Variants in STX7 observed in about 807,000 individuals in gnomAD.
STX7 encodes syntaxin 7, also known as syntaxin-7.
Under a neutral mutation model 39.6 loss-of-function variants are expected in STX7, and 34 were observed. The observed-to-expected ratio is 0.86, with a 90% confidence interval of 0.65 to 1.14. The LOEUF is 1.14. Ranked by LOEUF, STX7 falls within the 50% of genes most tolerant of loss-of-function variation. The pLI is 0.00. For synonymous variants in STX7, 119 were observed against 99.1 expected, an observed-to-expected ratio of 1.20 and a Z score of -1.19; for missense variants, 284 against 310.4, an observed-to-expected ratio of 0.92 and a Z score of 0.64.
intron 2 of STX7, among the ~76,000 whole-genome samples, chr6:132,493,497 G>A (rs563047753): frequency 6.6e-6 from 1 of 152,208 alleles, no homozygotes; most frequent in South Asian, 2.1e-4. Flanking sequence ...AGATCTGATG[G>A]ATTTATAAAG....
In STX7 at chr6:132,453,701, G is replaced by C. The variant is rs949456367; in HGVS notation, c.*7057C>G. On this transcript the variant is annotated 3_prime_UTR_variant, in exon 10 of 10. Transcript: ENST00000367941. ...GCTCAACATCATTGCCATTAGCGAA[G>C]GGAAAATGGTAAATCAAAACTGCAA... The C allele has an allele frequency of 6.6e-6, 1 of 151,876 alleles. No individual in the cohort carries two copies. Among genetic ancestry groups the C allele is most frequent in the African/African-American group, 2.4e-5 (1 of 41,368 alleles). The allele number at this position is 151,876 out of a possible 1,614,324, so 9.4% of individuals were successfully genotyped here.
chr6:132,478,174 C>A (rs1774920730), intron 2 of STX7, among the ~76,000 whole-genome samples: 1 of 151,386 alleles, frequency 6.6e-6, no homozygotes, highest in African/African-American at 2.4e-5. Flanking sequence ...ACATGTATCC[C>A]AGAACTTAAA....
At chr6:132,470,160 A>T (rs1334714674) in intron 6 of STX7, 113 bp from the exon 7 acceptor site, 2 of 718,228 alleles carry the variant, frequency 2.8e-6, no homozygotes, top group African/African-American at 1.9e-5. Context: ...CTCCAAAGTC[A>T]CAGAACTACT....
chr6:132,467,804 G>A (rs1279344790), intron 8 of STX7, among the ~76,000 whole-genome samples: 1 of 152,134 alleles, frequency 6.6e-6, no homozygotes, highest in African/African-American at 2.4e-5. Flanking sequence ...AAGATGGTCA[G>A]GATCCTGATG....
intron 2 of STX7, among the ~76,000 whole-genome samples, chr6:132,487,757 TTATAA>T (rs952307841): frequency 1.3e-5 from 2 of 152,202 alleles, no homozygotes. Flanking sequence ...TATGTAGAAT[TTATAA>T]TATATCATCT....
At chr6:132,497,340 T>G (rs879646710) in intron 2 of STX7, among the ~76,000 whole-genome samples, 9 of 152,186 alleles carry the variant, frequency 5.9e-5, no homozygotes, top group African/African-American at 2.2e-4. Flanking sequence ...ATTGATTCTA[T>G]TAGATTAAAA....
chr6:132,500,317 T>C (rs907248169), intron 2 of STX7, among the ~76,000 whole-genome samples: 2 of 152,310 alleles, frequency 1.3e-5, no homozygotes, highest in East Asian at 3.9e-4. Context: ...CAGACCCCTC[T>C]GGTTTCATCT....
intron 1 of STX7, among the ~76,000 whole-genome samples, chr6:132,504,339 C>T (rs1332569818): frequency 6.6e-6 from 1 of 152,146 alleles, no homozygotes; most frequent in Admixed American, 6.5e-5. Context: ...ATGACTCTCC[C>T]CTTTCAGCAG....
intron 1 of STX7, 89 bp downstream of exon 1, chr6:132,512,918 C>A (rs955289510): frequency 6.6e-6 from 1 of 152,346 alleles, no homozygotes; most frequent in Non-Finnish European, 1.5e-5. Flanking sequence ...CACCTGACCA[C>A]GCGCACAAAC....
At chr6:132,506,314 C>T (rs1251561091) in intron 1 of STX7, among the ~76,000 whole-genome samples, 1 of 152,026 alleles carries the variant, frequency 6.6e-6, no homozygotes, top group African/African-American at 2.4e-5. Flanking sequence ...GAACAGACAA[C>T]CTGCAGAATG....
chr6:132,504,174 T>C (rs1019122202), intron 1 of STX7, among the ~76,000 whole-genome samples: 3 of 152,196 alleles, frequency 2.0e-5, no homozygotes, highest in African/African-American at 7.2e-5. Flanking sequence ...TAATATCTAA[T>C]TTAACACACA....
chr6:132,454,181 G>T lies in STX7; in HGVS notation c.*6577C>A, dbSNP rs1482258790. On this transcript the variant is annotated 3_prime_UTR_variant, in exon 10 of 10. Coordinates refer to ENST00000367941, the MANE Select transcript of STX7 (RefSeq NM_003569.3). ...AATGAAAAAAAGCCAATCCCAAAAG[G>T]TTACATATTATTATGATTCCAGTTA... 6.6e-6 allele frequency: 1 copy of T among 150,904 alleles called. No individual in the cohort carries two copies. The highest frequency in any genetic ancestry group is 1.5e-5 in the Non-Finnish European group (1 of 67,768). 9.3% of individuals were successfully genotyped at this position (150,904 alleles called of 1,614,324 possible). A position where few individuals can be genotyped will look rare whatever the true frequency, so the allele number is the denominator to read the frequency against.
chr6:132,503,681 G>A, intron 1 of STX7, 93 bp from the exon 2 acceptor site: 1 of 521,054 alleles, frequency 1.9e-6, no homozygotes. Flanking sequence ...GGACAAACTT[G>A]ATTAATCTAA....
rs575039551 is a variant in STX7, at chr6:132,482,088, G to A, written c.86-6426C>T. ...TGACCCTCAATGAATAGTTTTATGA[G>A]TGAACCATAAAAAGAATACTGGGAA... On this transcript the variant is annotated intron_variant, in intron 2 of 9. Coordinates refer to ENST00000367941, the MANE Select transcript of STX7 (RefSeq NM_003569.3). Among the ~76,000 whole-genome samples the A allele has an allele frequency of 2.8e-4, 42 of 152,182 alleles. 1 individual carries two copies. The highest frequency in any genetic ancestry group is 9.8e-4 in the Admixed American group (15 of 15,274).
Position 132,459,404 on chromosome 6 carries a change from G to A in STX7, c.*1354C>T, listed in dbSNP as rs924467839. ...TCCAGAAAGATGCTGAATGGCCACA[G>A]TGCATGTGGTGATGTCTCCATGCTG... On this transcript the variant is annotated 3_prime_UTR_variant, in exon 10 of 10. Coordinates refer to ENST00000367941, the MANE Select transcript of STX7 (RefSeq NM_003569.3). 3 of 152,244 alleles carry A rather than the reference G, an allele frequency of 2.0e-5. No individual in the cohort carries two copies. The highest frequency in any genetic ancestry group is 4.4e-5 in the Non-Finnish European group (3 of 68,056). The allele number at this position is 152,244 out of a possible 1,614,324, so 9.4% of individuals were successfully genotyped here. A position where few individuals can be genotyped will look rare whatever the true frequency, so the allele number is the denominator to read the frequency against.
rs1055887394 is a variant in STX7, at chr6:132,447,199, T to C, written c.*13559A>G. On this transcript the variant is annotated 3_prime_UTR_variant, in exon 10 of 10. Coordinates refer to ENST00000367941, the MANE Select transcript of STX7 (RefSeq NM_003569.3). ...CCCTAAGATGGAACTTACTGTGTAG[T>C]GGAAAGAGTTAGACTCACTAGACAT... The C allele has an allele frequency of 2.6e-5, 4 of 152,174 alleles. No individual in the cohort carries two copies. Among genetic ancestry groups the C allele is most frequent in the African/African-American group, 9.7e-5 (4 of 41,444 alleles). The allele number at this position is 152,174 out of a possible 1,614,324, so 9.4% of individuals were successfully genotyped here. A position where few individuals can be genotyped will look rare whatever the true frequency, so the allele number is the denominator to read the frequency against.
At chr6:132,508,530 T>C (rs1775763666) in intron 1 of STX7, among the ~76,000 whole-genome samples, 1 of 152,184 alleles carries the variant, frequency 6.6e-6, no homozygotes, top group Non-Finnish European at 1.5e-5. Context: ...TTTGGCGTTG[T>C]TGTTGTTTGA....
chr6:132,510,806 G>A (rs1000492281), intron 1 of STX7, among the ~76,000 whole-genome samples: 2 of 152,202 alleles, frequency 1.3e-5, no homozygotes, highest in Non-Finnish European at 2.9e-5. Flanking sequence ...ACACTCAGAT[G>A]AGAGTCTTCT....
intron 2 of STX7, among the ~76,000 whole-genome samples, chr6:132,488,834 T>C (rs1775205648): frequency 6.6e-6 from 1 of 152,070 alleles, no homozygotes; most frequent in Non-Finnish European, 1.5e-5. Flanking sequence ...AGAAACAAAC[T>C]CTGTTTTAGA....
Sources: gnomAD v4.1 joint callset for allele counts (sites outside exome capture counted in the v4.1 genomes callset) on GRCh38, gnomAD v4.1.1 for gene constraint, MANE v1.5 for transcripts, NCBI Gene and HGNC (gene_info 2026-07-23, HGNC 2026-07-21) for gene names.